Variants in UBE2U observed in about 807,000 individuals in gnomAD.
UBE2U encodes the protein ubiquitin conjugating enzyme E2 U, also known as ubiquitin-conjugating enzyme E2 U.
A neutral mutation model predicts 41.2 loss-of-function variants in UBE2U; 39 were observed. That is an observed-to-expected ratio of 0.95 (90% confidence interval 0.73 to 1.24). UBE2U has a LOEUF of 1.24. Among genes scored for constraint, UBE2U ranks in the 50% most tolerant of loss-of-function variants. The pLI is 0.00. For synonymous variants in UBE2U, 107 were observed against 117.8 expected (o/e 0.91, Z 0.60); for missense variants, 336 against 363.1 (o/e 0.93, Z 0.61).
At chr1:64,210,599 T>C (rs984138082) in intron 3 of UBE2U, 143 bp from the exon 4 acceptor site, 1 of 506,032 alleles carries the variant, frequency 2.0e-6, no homozygotes, top group Non-Finnish European at 3.3e-6. Flanking sequence ...GGGATGGGTA[T>C]AGTGCTTCTC....
At chr1:64,205,523 T>A in intron 1 of UBE2U, 116 bp from the exon 2 acceptor site, 1 of 807,544 alleles carries the variant, frequency 1.2e-6, no homozygotes, top group Non-Finnish European at 2.0e-6. Context: ...AATAAACTTA[T>A]CAAGGAAAGA....
At chr1:64,221,501 A>C (rs865844868) in intron 6 of UBE2U, among the ~76,000 whole-genome samples, 1 of 152,212 alleles carries the variant, frequency 6.6e-6, no homozygotes, top group Non-Finnish European at 1.5e-5. Context: ...AAATTCAAGC[A>C]ATTTAGGAGA....
intron 6 of UBE2U, among the ~76,000 whole-genome samples, chr1:64,230,728 A>G (rs956607273): frequency 1.3e-5 from 2 of 152,182 alleles, no homozygotes; most frequent in African/African-American, 2.4e-5. Context: ...GTATTCTCCA[A>G]ATGTCTCCGT....
chr1:64,230,030 C>T (rs1644525988), intron 6 of UBE2U, among the ~76,000 whole-genome samples: 1 of 152,172 alleles, frequency 6.6e-6, no homozygotes, highest in Admixed American at 6.5e-5. Context: ...GCAAAACGAA[C>T]CAGATTTCTG....
chr1:64,237,020 CATG>C (rs1241818997), intron 7 of UBE2U, among the ~76,000 whole-genome samples: 4 of 152,142 alleles, frequency 2.6e-5, no homozygotes, highest in Non-Finnish European at 5.9e-5. Context: ...GTGGGAAAAG[CATG>C]ATGTCAGAAG....
At chr1:64,214,756 C>A in intron 4 of UBE2U, 59 bp from the exon 5 acceptor site, 1 of 1,326,118 alleles carries the variant, frequency 7.5e-7, no homozygotes, top group Non-Finnish European at 1.1e-6. Flanking sequence ...ATTGGTTTGT[C>A]GTTTTGCTCT....
chr1:64,205,444 T>C (rs1651234636), intron 1 of UBE2U, among the ~76,000 whole-genome samples, 195 bp from the exon 2 acceptor site: 1 of 152,224 alleles, frequency 6.6e-6, no homozygotes, highest in African/African-American at 2.4e-5. Flanking sequence ...TACTATTGCA[T>C]ATGTTTTCTG....
At chr1:64,219,949 C>T (rs757450068) in intron 5 of UBE2U, among the ~76,000 whole-genome samples, 13 of 152,086 alleles carry the variant, frequency 8.5e-5, no homozygotes, top group Admixed American at 5.2e-4. Flanking sequence ...TCTCTTTGTT[C>T]GTTGTATATT....
chr1:64,208,572 C>A (rs1324060041), intron 3 of UBE2U, among the ~76,000 whole-genome samples: 3 of 115,898 alleles, frequency 2.6e-5, no homozygotes, highest in African/African-American at 3.3e-5. Flanking sequence ...CCATTGCACT[C>A]CAGCCTGGGC....
At position 64,205,706 on chromosome 1, in the gene UBE2U, A is replaced by C. The variant is rs1569934931; in HGVS notation, c.134A>C (p.Asn45Thr). 1 of 1,612,996 alleles carries C rather than the reference A, an allele frequency of 6.2e-7. No homozygotes were observed. The highest frequency in any genetic ancestry group is 1.7e-4 in the Middle Eastern group (1 of 6,056). Reference sequence around the variant, plus strand: ...GAAGTTGAAATTGAAGGTCTACAGAATTCAGTTTGGCAGGGTTTGTATTTT... The same window carrying C: ...GAAGTTGAAATTGAAGGTCTACAGACTTCAGTTTGGCAGGGTTTGTATTTT... ...EWEVEIEGLQ[N>T]SVWQGLVFQL... is the part of the protein sequence containing the mutation. Residue 45 changes from asparagine (N) to threonine (T), a missense_variant, in exon 2 of 10, where the codon AAT becomes ACT. Asn to Thr is a moderately conservative substitution (Grantham distance 65). Coordinates refer to ENST00000371077, the MANE Select transcript of UBE2U (RefSeq NM_001366232.2).
chr1:64,203,901 C>T lies in UBE2U; in HGVS notation c.-150C>T. 1.9e-6 allele frequency: 1 copy of T among 519,710 alleles called. No individual in the cohort carries two copies. 32.2% of individuals were successfully genotyped at this position (519,710 alleles called of 1,614,324 possible). A position where few individuals can be genotyped will look rare whatever the true frequency, so the allele number is the denominator to read the frequency against. On this transcript the variant is annotated 5_prime_UTR_variant, in exon 1 of 10. Transcript: ENST00000371077. Reference sequence around the variant, plus strand: ...ATTGTTATATCCCAACTTTAGAAGCCGCTTATCTTGGTACCGTTCTGAGGT... The same window carrying T: ...ATTGTTATATCCCAACTTTAGAAGCTGCTTATCTTGGTACCGTTCTGAGGT...
intron 2 of UBE2U, 76 bp from the exon 3 acceptor site, chr1:64,206,688 A>G: frequency 1.1e-6 from 1 of 869,870 alleles, no homozygotes; most frequent in South Asian, 1.7e-5. Flanking sequence ...CATAGGGAGA[A>G]ACTCCAGTGT....
At position 64,206,782 on chromosome 1, in the gene UBE2U, C is replaced by G. The variant is rs752415168; in HGVS notation, c.167C>G (p.Thr56Arg). Residue 56 changes from threonine to arginine, a missense_variant, in exon 3 of 10, where the codon ACA becomes AGA. By Grantham distance (71) the Thr-to-Arg change is moderately conservative (BLOSUM62 -1). Transcript: ENST00000371077. ...ATTATAGGTTTAGTCTTCCAACTGA[C>G]AATACATTTTACATCGGAGTACAAC... ...SVWQGLVFQL[T>R]IHFTSEYNYA... 1 of 1,597,088 alleles carries G rather than the reference C, an allele frequency of 6.3e-7. No individual in the cohort carries two copies. The highest frequency in any genetic ancestry group is 1.3e-5 in the African/African-American group (1 of 74,508).
intron 1 of UBE2U, 80 bp downstream of exon 1, chr1:64,204,196 A>T: frequency 7.2e-7 from 1 of 1,388,498 alleles, no homozygotes; most frequent in Non-Finnish European, 1.0e-6. Context: ...TTATTCTATA[A>T]GTAGTAATTT....
chr1:64,255,113 AAAC>A (rs1383724139), intron 8 of UBE2U, among the ~76,000 whole-genome samples: 1 of 152,182 alleles, frequency 6.6e-6, no homozygotes, highest in Non-Finnish European at 1.5e-5. Context: ...ACAGAAATAC[AAAC>A]AACAACCAGA....
At chr1:64,221,016 CATCTT>C (rs1359705536) in intron 6 of UBE2U, 109 bp downstream of exon 6, 12 of 710,690 alleles carry the variant, frequency 1.7e-5, no homozygotes, top group Middle Eastern at 3.9e-4. Flanking sequence ...AATTTAGAAA[CATCTT>C]ATAATATCTT....
intron 7 of UBE2U, among the ~76,000 whole-genome samples, chr1:64,239,138 G>GAAGAAGA (rs1644759226): frequency 1.0e-4 from 3 of 29,790 alleles, no homozygotes; most frequent in African/African-American, 5.6e-4. Context: ...AGAAGAAGAA[G>GAAGAAGA]AAGAAGAAGA....
At chr1:64,229,595 T>C (rs1163486872) in intron 6 of UBE2U, among the ~76,000 whole-genome samples, 1 of 152,204 alleles carries the variant, frequency 6.6e-6, no homozygotes, top group Admixed American at 6.5e-5. Flanking sequence ...TTCCAGACCC[T>C]GAGTATCCAT....
intron 8 of UBE2U, chr1:64,244,304 G>C (rs1259245169): frequency 9.5e-7 from 1 of 1,057,166 alleles, no homozygotes; most frequent in African/African-American, 1.7e-5. Context: ...TTATATATAT[G>C]ATTTCATTCG....
Sources: gnomAD v4.1 joint callset for allele counts (sites outside exome capture counted in the v4.1 genomes callset) on GRCh38, gnomAD v4.1.1 for gene constraint, MANE v1.5 for transcripts, NCBI Gene and HGNC (gene_info 2026-07-23, HGNC 2026-07-21) for gene names.